The following FOXA1 variants were observed in gnomAD, a reference collection of about 807,000 sequenced individuals.
The protein encoded by FOXA1 is forkhead box A1.
Under a neutral mutation model 29.2 loss-of-function variants are expected in FOXA1, and 9 were observed. The ratio of observed to expected loss-of-function variants is 0.31; its 90% CI spans 0.19 to 0.54. FOXA1 has a LOEUF of 0.54. FOXA1 is among the 20% of genes least tolerant of loss of function. FOXA1 has a pLI of 0.95. For missense variants in FOXA1, 644 were observed against 681.2 expected (o/e 0.95, Z 0.61); for synonymous variants, 340 against 300.9 (o/e 1.13, Z -1.34).
chr14:37,595,166 G>GC lies in FOXA1; in HGVS notation c.-195_-194insG. On this transcript the variant is annotated 5_prime_UTR_variant, in exon 1 of 2. Coordinates refer to ENST00000250448, the MANE Select transcript of FOXA1 (RefSeq NM_004496.5). Reference sequence around the variant, plus strand: ...GCGCGGCGGCGGCGGCGGCGCGGCGGGCGGGGGCAGCGCCGGGGGCAGGCG... The same window carrying GC: ...GCGCGGCGGCGGCGGCGGCGCGGCGGCGCGGGGGCAGCGCCGGGGGCAGGCG... The GC allele has an allele frequency of 5.8e-6, 1 of 172,360 alleles. No individual in the cohort carries two copies. The highest frequency in any genetic ancestry group is 1.1e-5 in the Non-Finnish European group (1 of 87,000). 10.7% of individuals were successfully genotyped at this position (172,360 alleles called of 1,614,324 possible).
Position 37,594,958 on chromosome 14 carries a change from C to A in FOXA1, c.15G>T (p.Val5=). The change falls in exon 1 of 2, where the codon GTG becomes GTT. Residue 5 remains valine, a synonymous_variant. Coordinates refer to ENST00000250448, the MANE Select transcript of FOXA1 (RefSeq NM_004496.5). ...CGCTGGTTTCATGCCCTTCCATCTT[C>A]ACAGTTCCTAACATCCTGGAGCCAC... MLGT[V]KMEGHETSDW... is the part of the protein sequence containing the mutation. 1 of 1,578,456 alleles carries A rather than the reference C, an allele frequency of 6.3e-7. No homozygotes were observed. The highest frequency in any genetic ancestry group is 8.6e-7 in the Non-Finnish European group (1 of 1,156,974).
chr14:37,591,377 T>C lies in FOXA1; in HGVS notation c.1407A>G (p.Leu469=). The change falls in exon 2 of 2, where the codon CTA becomes CTG. Residue 469 remains leucine (L), a synonymous_variant. Transcript: ENST00000250448. ...YYQGVYSRPV[L]NTS ...CCAGTCCCGGGAGCTAGGAAGTGTT[T>C]AGGACGGGTCTGGAATACACACCTT... 6.2e-7 allele frequency: 1 copy of C among 1,613,722 alleles called. No homozygotes were observed. Among genetic ancestry groups the C allele is most frequent in the Non-Finnish European group, 8.5e-7 (1 of 1,180,028 alleles).
intron 1 of FOXA1, chr14:37,594,211 T>C: frequency 1.6e-6 from 2 of 1,285,214 alleles, no homozygotes; most frequent in Non-Finnish European, 1.0e-6. Flanking sequence ...TAGGTGGTAG[T>C]CCTCCCTGTA....
rs1169587201 is a variant in FOXA1 at position 37,590,896 on chromosome 14, A to G, written c.*469T>C. On this transcript the variant is annotated 3_prime_UTR_variant, in exon 2 of 2. Coordinates refer to ENST00000250448, the MANE Select transcript of FOXA1 (RefSeq NM_004496.5). Reference sequence around the variant, plus strand: ...GTATACTTGTTTCTTCACCATTTCAATTCTTATGGTTAAGAGTATTGCCAC... The same window carrying G: ...GTATACTTGTTTCTTCACCATTTCAGTTCTTATGGTTAAGAGTATTGCCAC... 8 of 307,036 alleles carry G rather than the reference A, an allele frequency of 2.6e-5. No homozygotes were observed. Among genetic ancestry groups the G allele is most frequent in the Non-Finnish European group, 4.9e-5 (8 of 163,144 alleles). The allele number at this position is 307,036 out of a possible 1,614,324, so 19.0% of individuals were successfully genotyped here.
At chr14:37,594,866 G>T in intron 1 of FOXA1, 35 bp downstream of exon 1, 1 of 1,531,306 alleles carries the variant, frequency 6.5e-7, no homozygotes. Context: ...CTCCAGCGGC[G>T]CCCCACCGGC....
chr14:37,592,506 A>G lies in FOXA1; in HGVS notation c.278T>C (p.Met93Thr), dbSNP rs567068679. The stretch of plus-strand genomic sequence containing the variant: ...CACGCCGGCCGCAGTCATGCTGTTC[A>G]TGGCGCCCGCCGAGCCCCCCGGCAT... ...AGMPGGSAGA[M>T]NSMTAAGVTA... The change falls in exon 2 of 2, where the codon ATG (methionine) becomes ACG (threonine). Residue 93 changes from methionine (M) to threonine (T), a missense_variant. Around this residue, in one of 5 missense-constraint regions of FOXA1, gnomAD observed 309 missense variants for 307.0 expected, o/e 1.01. Transcript: ENST00000250448. 1.7e-5 allele frequency: 28 copies of G among 1,611,714 alleles called. No individual in the cohort carries two copies. The highest frequency in any genetic ancestry group is 2.3e-5 in the Non-Finnish European group (27 of 1,179,574).
Position 37,595,225 on chromosome 14 carries a change from C to G in FOXA1, c.-253G>C, listed in dbSNP as rs1213007796. ...GGAGCGCGGCGCCGGGGAGCGCCTCCGCGGGAAGTGAGCGGGCTGCCTCTG... is the reference window on the plus strand; with the variant it reads ...GGAGCGCGGCGCCGGGGAGCGCCTCGGCGGGAAGTGAGCGGGCTGCCTCTG... On this transcript the variant is annotated 5_prime_UTR_variant, in exon 1 of 2. Transcript: ENST00000250448. The G allele has an allele frequency of 1.1e-5, 3 of 273,258 alleles. No individual in the cohort carries two copies. The East Asian group carries it at 1.7e-4, about 15-fold the overall frequency. The allele number at this position is 273,258 out of a possible 1,614,324, so 16.9% of individuals were successfully genotyped here.
Position 37,589,719 on chromosome 14 carries a change from CAA to C in FOXA1, c.*1644_*1645del, listed in dbSNP as rs11335498. ...AAACACAGAAGGCTTAAGCCGGTGT[CAA>C]AAAAAAAAAAAAAAATGAAGTAAAC... On this transcript the variant is annotated 3_prime_UTR_variant, in exon 2 of 2. Transcript: ENST00000250448. Among the ~76,000 whole-genome samples, 12,569 of 138,694 alleles carry C rather than the reference CAA, an allele frequency of 0.091. 511 individuals carry two copies. Among genetic ancestry groups the C allele is most frequent in the South Asian group, 0.17 (712 of 4,282 alleles). 91.0% of individuals were successfully genotyped at this position (138,694 alleles called of 152,430 possible). A position where few individuals can be genotyped will look rare whatever the true frequency, so the allele number is the denominator to read the frequency against.
intron 1 of FOXA1, chr14:37,594,041 T>G (rs866406103): frequency 8.3e-7 from 1 of 1,205,622 alleles, no homozygotes; most frequent in East Asian, 6.2e-5. Flanking sequence ...CGTGATCCTA[T>G]ATTTTTCTGT....
Position 37,591,908 on chromosome 14 carries a change from C to A in FOXA1, c.876G>T (p.Glu292Asp), listed in dbSNP as rs2139181250. ...AGGCGCCAGAGGGGTCCTTGCGGCT[C>A]TCAGGGCCGCCCTTGGCGCCGCTGC... ...SGGSGAKGGP[E>D]SRKDPSGASN... is the part of the protein sequence containing the mutation. The change falls in exon 2 of 2, where the codon GAG (glutamate) becomes GAT (aspartate). Residue 292 changes from glutamate to aspartate, a missense_variant. Physicochemically the swap from Glu to Asp is conservative, Grantham distance 45. Coordinates refer to ENST00000250448, the MANE Select transcript of FOXA1 (RefSeq NM_004496.5). 6.8e-7 allele frequency: 1 copy of A among 1,473,162 alleles called. No individual in the cohort carries two copies. Among genetic ancestry groups the A allele is most frequent in the African/African-American group, 1.4e-5 (1 of 70,402 alleles). 91.3% of individuals were successfully genotyped at this position (1,473,162 alleles called of 1,614,324 possible). A position where few individuals can be genotyped will look rare whatever the true frequency, so the allele number is the denominator to read the frequency against.
chr14:37,595,158 G>A lies in FOXA1; in HGVS notation c.-186C>T. ...CGCGGCGTGCGCGGCGGCGGCGGCG[G>A]CGCGGCGGGCGGGGGCAGCGCCGGG... On this transcript the variant is annotated 5_prime_UTR_variant, in exon 1 of 2. Coordinates refer to ENST00000250448, the MANE Select transcript of FOXA1 (RefSeq NM_004496.5). 1 of 161,988 alleles carries A rather than the reference G, an allele frequency of 6.2e-6. No homozygotes were observed. Among genetic ancestry groups the A allele is most frequent in the Non-Finnish European group, 1.2e-5 (1 of 83,300 alleles). The allele number at this position is 161,988 out of a possible 1,614,324, so 10.0% of individuals were successfully genotyped here.
Position 37,592,420 on chromosome 14 carries a change from C to G in FOXA1, c.364G>C (p.Ala122Pro), listed in dbSNP as rs1256568229. Residue 122 changes from alanine (A) to proline (P), a missense_variant, in exon 2 of 2, where the codon GCC becomes CCC. By Grantham distance (27) the Ala-to-Pro change is conservative. Around this residue, in one of 5 missense-constraint regions of FOXA1, gnomAD observed 309 missense variants for 307.0 expected, o/e 1.01. Transcript: ENST00000250448. ...TAGGGGCCCAGGCCATTCATGGAGG[C>G]CGCCTGCTGCGCACCCATGGCGCCC... Reference protein sequence around the residue: ...GMGAMGAQQAASMNGLGPYAA... With the variant: ...GMGAMGAQQAPSMNGLGPYAA... The G allele has an allele frequency of 3.1e-6, 5 of 1,599,692 alleles. No homozygotes were observed. In the South Asian group the frequency reaches 5.5e-5, roughly 18 times the overall value.
chr14:37,592,814 C>A (rs1410554658), intron 1 of FOXA1, 103 bp from the exon 2 acceptor site: 7 of 1,422,450 alleles, frequency 4.9e-6, no homozygotes, highest in Non-Finnish European at 6.9e-6. Context: ...GTGCAGAGCA[C>A]TTTGCAGAAC....
intron 1 of FOXA1, chr14:37,594,249 C>T: frequency 2.4e-6 from 3 of 1,268,562 alleles, no homozygotes; most frequent in Non-Finnish European, 3.1e-6. Context: ...TCCTTTTGTG[C>T]ACATTGTAAA....
Position 37,590,966 on chromosome 14 carries a change from CACAA to C in FOXA1, c.*395_*398del, listed in dbSNP as rs2095594866. ...GGGTCAGGTAAGGAGGGGGAAAAAG[CACAA>C]ACAAATATTTTACAAACTTGACCAT... On this transcript the variant is annotated 3_prime_UTR_variant, in exon 2 of 2. Transcript: ENST00000250448. 1 of 396,196 alleles carries C rather than the reference CACAA, an allele frequency of 2.5e-6. No homozygotes were observed. The highest frequency in any genetic ancestry group is 4.2e-5 in the Admixed American group (1 of 23,858). 24.5% of individuals were successfully genotyped at this position (396,196 alleles called of 1,614,324 possible). A position where few individuals can be genotyped will look rare whatever the true frequency, so the allele number is the denominator to read the frequency against.
Position 37,592,772 on chromosome 14 carries a change from G to A in FOXA1, c.73-61C>T. The stretch of plus-strand genomic sequence containing the variant: ...GGCGGGGTTAGTGGTGGGCACTGGA[G>A]GGCGGCCGTCCGGGACCTAACCCGG... On this transcript the variant is annotated intron_variant, in intron 1 of 1. Transcript: ENST00000250448. The A allele has an allele frequency of 8.1e-6, 13 of 1,597,328 alleles. No homozygotes were observed. In the Admixed American group the frequency reaches 8.3e-5, roughly 10 times the overall value.
rs1460081549 is a variant in FOXA1, at chr14:37,591,195, A to G, written c.*170T>C. 4 of 853,868 alleles carry G rather than the reference A, an allele frequency of 4.7e-6. No individual in the cohort carries two copies. The highest frequency in any genetic ancestry group is 5.5e-6 in the Non-Finnish European group (3 of 546,956). 52.9% of individuals were successfully genotyped at this position (853,868 alleles called of 1,614,324 possible). ...TGAATTTTGAATACAATAATAAAGT[A>G]ACAGTCTTTTGCACTGGGGGAAAGG... On this transcript the variant is annotated 3_prime_UTR_variant, in exon 2 of 2. Coordinates refer to ENST00000250448, the MANE Select transcript of FOXA1 (RefSeq NM_004496.5).
intron 1 of FOXA1, chr14:37,593,860 G>C (rs574140374): frequency 1.9e-4 from 44 of 228,194 alleles, no homozygotes; most frequent in African/African-American, 1.0e-3. Context: ...ATTTAATAAG[G>C]AATAATGATG....
At chr14:37,594,116 A>C (rs1433075353) in intron 1 of FOXA1, 1 of 1,286,374 alleles carries the variant, frequency 7.8e-7, no homozygotes, top group Admixed American at 2.3e-5. Context: ...AAGATTATCC[A>C]AGGCAGTTCC....
Sources: gnomAD v4.1 joint callset for allele counts (sites outside exome capture counted in the v4.1 genomes callset) on GRCh38, gnomAD v4.1.1 for gene constraint, gnomAD v4.1.1 regional missense constraint, MANE v1.5 for transcripts, NCBI Gene and HGNC (gene_info 2026-07-23, HGNC 2026-07-21) for gene names.